GFRA2: variants seen among roughly 807,000 people sequenced by gnomAD.
The protein encoded by GFRA2 is GDNF family receptor alpha 2.
In GFRA2, 17 loss-of-function variants were observed where a neutral mutation model predicts 48.3. That is an observed-to-expected ratio of 0.35 (90% confidence interval 0.24 to 0.53). GFRA2 has a LOEUF of 0.53. Among genes scored for constraint, GFRA2 ranks in the 20% least tolerant of loss-of-function variants. GFRA2 has a pLI of 0.93. For synonymous variants in GFRA2, 305 were observed against 257.2 expected (o/e 1.19, Z -1.78); for missense variants, 660 against 637.3 (o/e 1.04, Z -0.38).
At chr8:21,742,270 G>A (rs1804783749) in intron 4 of GFRA2, among the ~76,000 whole-genome samples, 1 of 152,162 alleles carries the variant, frequency 6.6e-6, no homozygotes, top group Admixed American at 6.5e-5. Flanking sequence ...CATGGCGGTG[G>A]GGCCCTCATG....
chr8:21,716,809 G>A (rs774816974), intron 4 of GFRA2, among the ~76,000 whole-genome samples: 5 of 152,148 alleles, frequency 3.3e-5, no homozygotes, highest in Admixed American at 6.5e-5. Flanking sequence ...CATGTAACAC[G>A]TAGACTAGCA....
chr8:21,758,638 G>C (rs754936285), intron 3 of GFRA2, among the ~76,000 whole-genome samples: 6 of 152,104 alleles, frequency 3.9e-5, no homozygotes, highest in Non-Finnish European at 7.4e-5. Flanking sequence ...GTAAATCTCT[G>C]TGCCTTTCTC....
chr8:21,695,042 G>C (rs556526497), intron 7 of GFRA2, among the ~76,000 whole-genome samples: 3 of 152,354 alleles, frequency 2.0e-5, no homozygotes, highest in African/African-American at 7.2e-5. Context: ...GAGGGGAAGA[G>C]AGGCATGATT....
At chr8:21,784,332 C>A in intron 1 of GFRA2, 2 of 456,196 alleles carry the variant, frequency 4.4e-6, no homozygotes, top group Non-Finnish European at 8.8e-6. Context: ...GCCATGACTG[C>A]CCTTTCCTGG....
In GFRA2 at chr8:21,782,761, A is replaced by C; in HGVS notation, c.179T>G (p.Leu60Arg). 1.9e-6 allele frequency: 3 copies of C among 1,594,888 alleles called. No individual in the cohort carries two copies. The highest frequency in any genetic ancestry group is 2.6e-6 in the Non-Finnish European group (3 of 1,172,394). ...ESNCSSRYRT[L>R]RQCLAGRDRN... is the part of the protein sequence containing the mutation. ...GTCGCGGCCTGCCAGGCACTGCCGC[A>C]GAGTGCGGTAGCGAGAGCTGCAGTT... Residue 60 changes from leucine to arginine, a missense_variant, in exon 2 of 9, where the codon CTG (leucine) becomes CGG (arginine). By Grantham distance (102) the Leu-to-Arg change is moderately radical. Transcript: ENST00000524240.
intron 8 of GFRA2, among the ~76,000 whole-genome samples, chr8:21,694,092 T>TATATATATATA (rs1221616880): frequency 7.9e-5 from 11 of 138,512 alleles, no homozygotes; most frequent in South Asian, 2.3e-4. Context: ...TATATATATA[T>TATATATATATA]TTCCTATAGT....
At chr8:21,802,537 T>C (rs1805363632) in intron 2 of GFRA2, among the ~76,000 whole-genome samples, 3 of 152,260 alleles carry the variant, frequency 2.0e-5, no homozygotes, top group South Asian at 2.1e-4. Context: ...TAATTTTTTA[T>C]AGAGATGAGG....
chr8:21,780,593 G>A (rs113196381), intron 2 of GFRA2, among the ~76,000 whole-genome samples: 9,728 of 151,960 alleles, frequency 0.064, 326 homozygotes, highest in East Asian at 0.13. Flanking sequence ...TTCCTCCCTC[G>A]ACTCTAGACC....
chr8:21,729,057 A>G (rs1670765174), intron 4 of GFRA2, among the ~76,000 whole-genome samples: 2 of 152,244 alleles, frequency 1.3e-5, no homozygotes, highest in Admixed American at 1.3e-4. Flanking sequence ...GGGCCAACCC[A>G]GGCCTGGAAA....
At chr8:21,700,188 T>C (rs998406649) in intron 7 of GFRA2, among the ~76,000 whole-genome samples, 4 of 152,114 alleles carry the variant, frequency 2.6e-5, no homozygotes, top group African/African-American at 9.7e-5. Flanking sequence ...ACACTCAGGT[T>C]CCCTGCTCTA....
At chr8:21,795,916 A>G (rs1585350846) in intron 2 of GFRA2, among the ~76,000 whole-genome samples, 1 of 152,312 alleles carries the variant, frequency 6.6e-6, no homozygotes, top group South Asian at 2.1e-4. Flanking sequence ...CACTCAAGTC[A>G]TCTGGCATCG....
intron 2 of GFRA2, among the ~76,000 whole-genome samples, chr8:21,776,584 C>T (rs113764905): frequency 0.019 from 2,938 of 151,938 alleles, 99 homozygotes; most frequent in African/African-American, 0.067. Flanking sequence ...GATCCTCCCA[C>T]CTCAGCCTCC....
intron 4 of GFRA2, among the ~76,000 whole-genome samples, chr8:21,725,263 A>T (rs763995021): frequency 6.6e-6 from 1 of 152,228 alleles, no homozygotes; most frequent in Non-Finnish European, 1.5e-5. Context: ...AGCTCCTGAC[A>T]AAGAGTGAGA....
intron 4 of GFRA2, among the ~76,000 whole-genome samples, chr8:21,720,517 G>C (rs1438676569): frequency 1.3e-5 from 2 of 152,150 alleles, no homozygotes; most frequent in East Asian, 3.8e-4. Context: ...AAGTCCCTGG[G>C]CTTCCACAAC....
At chr8:21,728,497 A>T (rs1246018335) in intron 4 of GFRA2, among the ~76,000 whole-genome samples, 1 of 151,448 alleles carries the variant, frequency 6.6e-6, no homozygotes, top group Non-Finnish European at 1.5e-5. Flanking sequence ...CTGGTCTCCA[A>T]CTCCTGACCT....
intron 4 of GFRA2, among the ~76,000 whole-genome samples, chr8:21,715,669 C>T (rs571420219): frequency 1.3e-5 from 2 of 152,326 alleles, no homozygotes; most frequent in East Asian, 3.9e-4. Flanking sequence ...CCTGGCCACA[C>T]TGGCCTAGAG....
chr8:21,699,023 C>G (rs1802343568), intron 7 of GFRA2, among the ~76,000 whole-genome samples: 2 of 152,212 alleles, frequency 1.3e-5, no homozygotes, highest in Admixed American at 1.3e-4. Flanking sequence ...TCTACCAGTC[C>G]CGCACGCAGC....
chr8:21,766,850 T>G (rs570105716), intron 3 of GFRA2, among the ~76,000 whole-genome samples: 5 of 214 alleles, frequency 0.023, no homozygotes, highest in Admixed American at 0.2. Context: ...ATCACACCTA[T>G]GCACACCCTG....
In GFRA2 at chr8:21,769,152, TTCTCTTACAGCAGTGGTTGACCG is replaced by T. The variant is rs1806320152; in HGVS notation, c.439+5797_439+5819del. The T allele has an allele frequency of 4.1e-6, 4 of 983,552 alleles. No homozygotes were observed. In the South Asian group the frequency reaches 1.9e-4, roughly 46 times the overall value. 60.9% of individuals were successfully genotyped at this position (983,552 alleles called of 1,614,324 possible). On this transcript the variant is annotated intron_variant, in intron 3 of 8. Transcript: ENST00000524240. ...CCACACAGTGAGGACACAGGTCTGA[TTCTCTTACAGCAGTGGTTGACCG>T]TCTCCGGAACACACAGAGCACTCAT... is the stretch of plus-strand genomic sequence containing the variant.
Sources: allele counts gnomAD v4.1 joint callset (sites outside exome capture counted in the v4.1 genomes callset), GRCh38; gene constraint gnomAD v4.1.1; transcripts MANE v1.5; gene names NCBI Gene and HGNC (gene_info 2026-07-23, HGNC 2026-07-21).